L3MBTL4: variants seen among roughly 807,000 people sequenced by gnomAD.
L3MBTL4 encodes lethal(3)malignant brain tumor-like protein 4.
L3MBTL4 carries 70 observed loss-of-function variants against 84.5 expected under a neutral mutation model. The observed-to-expected ratio is 0.83, with a 90% CI of 0.68 to 1.01. The LOEUF (loss-of-function observed/expected upper bound fraction) is 1.01. Among genes scored for constraint, L3MBTL4 ranks in the 50% least tolerant of loss-of-function variants. The pLI, the probability that L3MBTL4 is intolerant of heterozygous loss-of-function variation, is 0.00. For missense variants in L3MBTL4, 715 were observed against 754.8 expected (o/e 0.95, Z 0.62); for synonymous variants, 274 against 259.8 (o/e 1.05, Z -0.52).
At chr18:6,138,891 A>T (rs1043191230) in intron 13 of L3MBTL4, among the ~76,000 whole-genome samples, 3 of 152,216 alleles carry the variant, frequency 2.0e-5, no homozygotes, top group African/African-American at 7.2e-5. Flanking sequence ...GAGATTAATA[A>T]TGGCAAAGAC....
At chr18:6,047,153 A>G (rs2056657451) in intron 16 of L3MBTL4, among the ~76,000 whole-genome samples, 1 of 152,194 alleles carries the variant, frequency 6.6e-6, no homozygotes, top group Non-Finnish European at 1.5e-5. Flanking sequence ...TCTAGAGGAA[A>G]CTGATGTATT....
chr18:6,395,896 C>A (rs547812290), intron 1 of L3MBTL4: 1 of 152,184 alleles, frequency 6.6e-6, no homozygotes, highest in African/African-American at 2.4e-5. Flanking sequence ...AAGTACTGAG[C>A]AAGACCAAGA....
rs776180024 is a variant in L3MBTL4, at chr18:6,243,367, G to T, written c.387C>A (p.Thr129=). Residue 129 remains threonine (T), a synonymous_variant, in exon 7 of 19, where the codon ACC becomes ACA. Coordinates refer to ENST00000317931, the MANE Select transcript of L3MBTL4 (RefSeq NM_001330559.2). ...GATGAATGTCAGGGGAACCAGCATT[G>T]GTCCAAAAATCATAGCAACTTAAAT... ...DGYLSCYDFW[T]NAGSPDIHPV... 32 of 1,605,626 alleles carry T rather than the reference G, an allele frequency of 2.0e-5. No individual in the cohort carries two copies. The South Asian group carries it at 3.6e-4, about 18-fold the overall frequency.
intron 10 of L3MBTL4, among the ~76,000 whole-genome samples, chr18:6,233,721 C>T (rs1222658116): frequency 3.9e-5 from 6 of 152,158 alleles, no homozygotes; most frequent in African/African-American, 7.2e-5. Context: ...GAATCAATAT[C>T]GTGAAAATGG....
intron 12 of L3MBTL4, 90 bp downstream of exon 12, chr18:6,213,059 G>C: frequency 2.9e-6 from 2 of 692,456 alleles, no homozygotes; most frequent in Non-Finnish European, 4.7e-6. Flanking sequence ...ATTAAAAAAC[G>C]AGAAAGGTTC....
At chr18:6,200,048 GACA>G (rs2045585318) in intron 12 of L3MBTL4, among the ~76,000 whole-genome samples, 1 of 152,160 alleles carries the variant, frequency 6.6e-6, no homozygotes, top group South Asian at 2.1e-4. Flanking sequence ...GAAGCTCAGT[GACA>G]ACAAGGAGTG....
chr18:6,310,649 C>G (rs922554256), intron 3 of L3MBTL4, among the ~76,000 whole-genome samples: 1 of 152,156 alleles, frequency 6.6e-6, no homozygotes, highest in African/African-American at 2.4e-5. Flanking sequence ...TGCTAAGAAC[C>G]AATGAAGGGT....
chr18:6,081,128 G>C, intron 15 of L3MBTL4, 177 bp from the exon 16 acceptor site: 1 of 467,390 alleles, frequency 2.1e-6, no homozygotes, highest in Non-Finnish European at 3.7e-6. Context: ...ACACACTTCT[G>C]TTCAGAAACT....
chr18:6,256,380 A>C (rs1253513941), intron 5 of L3MBTL4, among the ~76,000 whole-genome samples: 2 of 152,080 alleles, frequency 1.3e-5, no homozygotes, highest in African/African-American at 4.8e-5. Flanking sequence ...GAATGTGTTC[A>C]AATAAGGCTG....
chr18:6,237,872 G>T, intron 10 of L3MBTL4, 92 bp downstream of exon 10: 1 of 893,508 alleles, frequency 1.1e-6, no homozygotes, highest in Non-Finnish European at 1.9e-6. Flanking sequence ...AAATAGATAT[G>T]TATTAAAATC....
intron 12 of L3MBTL4, among the ~76,000 whole-genome samples, chr18:6,197,487 C>G (rs2045456912): frequency 6.6e-6 from 1 of 152,174 alleles, no homozygotes; most frequent in Non-Finnish European, 1.5e-5. Context: ...TGTATATGTA[C>G]CACATTTTCT....
chr18:6,198,808 T>G (rs1280820859), intron 12 of L3MBTL4, among the ~76,000 whole-genome samples: 1 of 152,216 alleles, frequency 6.6e-6, no homozygotes, highest in Non-Finnish European at 1.5e-5. Context: ...TACTAGAGAA[T>G]AGTTACTAAA....
chr18:6,102,513 G>C (rs2058866347), intron 14 of L3MBTL4, among the ~76,000 whole-genome samples: 1 of 152,166 alleles, frequency 6.6e-6, no homozygotes, highest in African/African-American at 2.4e-5. Context: ...TCTGACTCCT[G>C]TATCCATTTT....
intron 1 of L3MBTL4, among the ~76,000 whole-genome samples, chr18:6,318,639 A>G (rs1441488826): frequency 1.3e-5 from 2 of 151,886 alleles, no homozygotes; most frequent in African/African-American, 4.8e-5. Context: ...AACAATTACT[A>G]TTAGACCTAA....
At chr18:6,305,428 A>C (rs1207521154) in intron 3 of L3MBTL4, among the ~76,000 whole-genome samples, 1 of 152,088 alleles carries the variant, frequency 6.6e-6, no homozygotes, top group East Asian at 1.9e-4. Context: ...TTATTTCATA[A>C]AGGTAATAAA....
chr18:6,086,318 T>C (rs2058257326), intron 15 of L3MBTL4, among the ~76,000 whole-genome samples: 1 of 152,226 alleles, frequency 6.6e-6, no homozygotes, highest in South Asian at 2.1e-4. Flanking sequence ...CACTGTTCTG[T>C]GGCATTTAGT....
intron 16 of L3MBTL4, among the ~76,000 whole-genome samples, chr18:5,992,253 GA>G (rs2053735804): frequency 6.6e-6 from 1 of 152,176 alleles, no homozygotes; most frequent in Admixed American, 6.5e-5. Context: ...CAGGTGGACA[GA>G]AGCCTGTTAG....
At chr18:6,279,931 C>T (rs1436962701) in intron 4 of L3MBTL4, among the ~76,000 whole-genome samples, 1 of 152,192 alleles carries the variant, frequency 6.6e-6, no homozygotes, top group African/African-American at 2.4e-5. Flanking sequence ...CTCTGTGAGT[C>T]AGAATTTAGA....
chr18:5,972,851 A>G (rs1447895658), intron 16 of L3MBTL4, among the ~76,000 whole-genome samples: 6 of 88,038 alleles, frequency 6.8e-5, no homozygotes, highest in Non-Finnish European at 8.3e-5. Flanking sequence ...GAGACAAAAA[A>G]TAGAATAGTA....
Sources: gnomAD v4.1 joint callset for allele counts (sites outside exome capture counted in the v4.1 genomes callset) on GRCh38, gnomAD v4.1.1 for gene constraint, MANE v1.5 for transcripts, NCBI Gene and HGNC (gene_info 2026-07-23, HGNC 2026-07-21) for gene names.